NXPH1: variants seen among roughly 807,000 people sequenced by gnomAD.
NXPH1 encodes the protein neurexophilin 1.
In NXPH1, 5 loss-of-function variants were observed where a neutral mutation model predicts 23.7. The ratio of observed to expected loss-of-function variants is 0.21; its 90% CI spans 0.11 to 0.44. NXPH1 has a LOEUF of 0.44. Among genes scored for constraint, NXPH1 ranks in the 20% least tolerant of loss-of-function variants. NXPH1 has a pLI of 0.99. For synonymous variants in NXPH1, 144 were observed against 122.2 expected (o/e 1.18, Z -1.18); for missense variants, 324 against 321.6 (o/e 1.01, Z -0.06).
chr7:8,482,004 C>T (rs1817081376), intron 2 of NXPH1, among the ~76,000 whole-genome samples: 1 of 152,118 alleles, frequency 6.6e-6, no homozygotes, highest in Non-Finnish European at 1.5e-5. Context: ...GCCTTGTTGC[C>T]TTTTTATGGA....
intron 2 of NXPH1, among the ~76,000 whole-genome samples, chr7:8,704,419 A>G (rs953181547): frequency 1.3e-5 from 2 of 152,134 alleles, no homozygotes; most frequent in African/African-American, 4.8e-5. Flanking sequence ...ATCCCAAAGG[A>G]CATTCTTTTA....
intron 2 of NXPH1, among the ~76,000 whole-genome samples, chr7:8,491,787 C>T (rs930405175): frequency 6.6e-6 from 1 of 152,044 alleles, no homozygotes; most frequent in African/African-American, 2.4e-5. Flanking sequence ...ATTCATTTTC[C>T]AAGAAACATG....
chr7:8,516,117 A>G (rs1011694301), intron 2 of NXPH1, among the ~76,000 whole-genome samples: 1 of 152,142 alleles, frequency 6.6e-6, no homozygotes, highest in African/African-American at 2.4e-5. Flanking sequence ...ATCTTTAAGG[A>G]GCTATTCAAA....
chr7:8,677,529 G>C (rs1302744279), intron 2 of NXPH1, among the ~76,000 whole-genome samples: 3 of 152,282 alleles, frequency 2.0e-5, no homozygotes, highest in East Asian at 1.9e-4. Context: ...AGTTTCCCCA[G>C]AGAGGAAAAG....
chr7:8,488,467 ATCT>A (rs1817197659), intron 2 of NXPH1, among the ~76,000 whole-genome samples: 1 of 152,170 alleles, frequency 6.6e-6, no homozygotes, highest in Non-Finnish European at 1.5e-5. Context: ...CATAAAGCTA[ATCT>A]TATAGAAATC....
rs10239800 is a variant in NXPH1, at chr7:8,599,663, G to A, written c.55-151345G>A. ...ACACTAAGTTCAATCACTTCAATTT[G>A]TACTATTGTTAGCACTCAAGACCTG... On this transcript the variant is annotated intron_variant, in intron 2 of 2. Transcript: ENST00000405863. Among the ~76,000 whole-genome samples the A allele has an allele frequency of 9.0e-3, 1,368 of 152,072 alleles. 22 individuals carry two copies. The highest frequency in any genetic ancestry group is 0.031 in the African/African-American group (1,303 of 41,474).
chr7:8,533,311 T>C (rs555437798), intron 2 of NXPH1, among the ~76,000 whole-genome samples: 19 of 152,284 alleles, frequency 1.2e-4, no homozygotes, highest in African/African-American at 4.6e-4. Context: ...TGTTCTTTTA[T>C]AGGTTCTGGC....
intron 2 of NXPH1, among the ~76,000 whole-genome samples, chr7:8,573,808 T>G (rs1423030422): frequency 6.6e-6 from 1 of 152,158 alleles, no homozygotes; most frequent in Non-Finnish European, 1.5e-5. Context: ...TTTGAATGTC[T>G]GGAAATAAAC....
At chr7:8,656,942 A>T (rs997956230) in intron 2 of NXPH1, among the ~76,000 whole-genome samples, 1 of 152,186 alleles carries the variant, frequency 6.6e-6, no homozygotes, top group East Asian at 1.9e-4. Context: ...TGAATTTACA[A>T]TTCTTCAGCA....
chr7:8,626,828 C>T (rs1429096758), intron 2 of NXPH1, among the ~76,000 whole-genome samples: 1 of 152,008 alleles, frequency 6.6e-6, no homozygotes, highest in Non-Finnish European at 1.5e-5. Context: ...ATCCATGCTT[C>T]TCTTATTCTT....
intron 2 of NXPH1, among the ~76,000 whole-genome samples, chr7:8,667,905 T>G (rs1217112977): frequency 6.6e-6 from 1 of 152,094 alleles, no homozygotes; most frequent in Admixed American, 6.6e-5. Flanking sequence ...TCTGATTGTA[T>G]ATTTTAAAAT....
At chr7:8,634,288 T>A (rs1171783567) in intron 2 of NXPH1, among the ~76,000 whole-genome samples, 1 of 152,180 alleles carries the variant, frequency 6.6e-6, no homozygotes, top group African/African-American at 2.4e-5. Flanking sequence ...GCGGTTCCCC[T>A]GCACATGTTC....
chr7:8,559,771 CA>C (rs1408319111), intron 2 of NXPH1, among the ~76,000 whole-genome samples: 1 of 151,694 alleles, frequency 6.6e-6, no homozygotes, highest in African/African-American at 2.4e-5. Flanking sequence ...ACATGGATTT[CA>C]GTCATAGAAA....
chr7:8,732,704 C>G (rs1241081311), intron 2 of NXPH1, among the ~76,000 whole-genome samples: 1 of 151,804 alleles, frequency 6.6e-6, no homozygotes, highest in Non-Finnish European at 1.5e-5. Context: ...CGCCTTATAA[C>G]TTTTAAAAAA....
At chr7:8,648,990 C>CT (rs59235477) in intron 2 of NXPH1, among the ~76,000 whole-genome samples, 9 of 149,338 alleles carry the variant, frequency 6.0e-5, no homozygotes, top group African/African-American at 1.2e-4. Flanking sequence ...TAAAAATCTG[C>CT]TTTTTTTTTT....
At chr7:8,447,905 A>G (rs1816433247) in intron 2 of NXPH1, among the ~76,000 whole-genome samples, 1 of 152,196 alleles carries the variant, frequency 6.6e-6, no homozygotes, top group Non-Finnish European at 1.5e-5. Context: ...ACCATCATCA[A>G]ACTTCCAGCC....
At position 8,751,064 on chromosome 7, in the gene NXPH1, C is replaced by T. The variant is rs1442332701; in HGVS notation, c.111C>T (p.Ser37=). ...AGTCAGAACTTCTGAAATCAGGAAG[C>T]AGCAAATCCACACTAAAGCACATAT... ...GGKSELLKSG[S]SKSTLKHIWT... is the part of the protein sequence containing the mutation. The change falls in exon 3 of 3, where the codon AGC becomes AGT. Residue 37 remains serine, a synonymous_variant. Coordinates refer to ENST00000405863, the MANE Select transcript of NXPH1 (RefSeq NM_152745.3). This position sits in a 1 kb window ranked among gnomAD's most constrained non-coding sequence, Gnocchi z 4.5. 1.1e-5 allele frequency: 18 copies of T among 1,613,688 alleles called. No individual in the cohort carries two copies. In the African/African-American group the frequency reaches 1.6e-4, roughly 14 times the overall value.
At position 8,686,202 on chromosome 7, in the gene NXPH1, G is replaced by A. The variant is rs553746673; in HGVS notation, c.55-64806G>A. Among the ~76,000 whole-genome samples, 3 of 152,264 alleles carry A rather than the reference G, an allele frequency of 2.0e-5. No individual in the cohort carries two copies. In the South Asian group the frequency reaches 6.2e-4, roughly 32 times the overall value. The stretch of plus-strand genomic sequence containing the variant: ...GACCTTAAGTTTAGCAAACATGCCT[G>A]ATATTTTATACCTACAAGATTCCTC... On this transcript the variant is annotated intron_variant, in intron 2 of 2. Transcript: ENST00000405863.
At chr7:8,725,448 C>A (rs931165470) in intron 2 of NXPH1, among the ~76,000 whole-genome samples, 2 of 150,774 alleles carry the variant, frequency 1.3e-5, no homozygotes, top group African/African-American at 2.4e-5. Context: ...TGAGATCCAG[C>A]CACTGCACTC....
Sources: allele counts gnomAD v4.1 joint callset (sites outside exome capture counted in the v4.1 genomes callset), GRCh38; gene constraint gnomAD v4.1.1; non-coding constraint Gnocchi (gnomAD v3.1); transcripts MANE v1.5; gene names NCBI Gene and HGNC (gene_info 2026-07-23, HGNC 2026-07-21).